Variants in NEGR1 observed in about 807,000 individuals in gnomAD.
The protein encoded by NEGR1 is IgLON family member 4.
A neutral mutation model predicts 40.9 loss-of-function variants in NEGR1; 10 were observed. That is an observed-to-expected ratio of 0.24 (90% CI 0.15 to 0.42). The LOEUF is 0.42. Ranked by LOEUF, NEGR1 falls within the 10% of genes least tolerant of loss-of-function variation. The pLI is 1.00. For synonymous variants in NEGR1, 185 were observed against 166.8 expected (o/e 1.11, Z -0.84); for missense variants, 352 against 438.9 (o/e 0.80, Z 1.77).
chr1:71,774,686 CA>C (rs5775089), intron 3 of NEGR1, among the ~76,000 whole-genome samples: 112,356 of 151,362 alleles, frequency 0.74, 43,702 homozygotes, highest in East Asian at 0.86. Flanking sequence ...GGTATTTTCA[CA>C]AAAAAAAAAT....
intron 1 of NEGR1, among the ~76,000 whole-genome samples, chr1:72,224,957 CTA>C (rs980892530): frequency 2.6e-5 from 4 of 152,002 alleles, no homozygotes; most frequent in Admixed American, 2.6e-4. Context: ...GCTTTACAAA[CTA>C]TGCATTTCAA....
intron 6 of NEGR1, among the ~76,000 whole-genome samples, chr1:71,441,176 A>T (rs190879558): frequency 9.3e-4 from 141 of 152,366 alleles, no homozygotes; most frequent in Non-Finnish European, 1.7e-3. Flanking sequence ...GTGGTGAATC[A>T]CATAAACAAT....
intron 2 of NEGR1, among the ~76,000 whole-genome samples, chr1:71,805,194 C>T (rs772314219): frequency 1.3e-5 from 2 of 152,122 alleles, no homozygotes; most frequent in African/African-American, 2.4e-5. Flanking sequence ...ACAATGCGTG[C>T]CCAAAACTTC....
In NEGR1 at chr1:71,738,640, G is replaced by C. The variant is rs1465635754; in HGVS notation, c.535+37532C>G. Among the ~76,000 whole-genome samples, 5 of 152,164 alleles carry C rather than the reference G, an allele frequency of 3.3e-5. No individual in the cohort carries two copies. The East Asian group carries it at 9.7e-4, about 30-fold the overall frequency. On this transcript the variant is annotated intron_variant, in intron 3 of 6. Coordinates refer to ENST00000357731, the MANE Select transcript of NEGR1 (RefSeq NM_173808.3). ...TAAGAAGGGAATGCTGTCTGGTGTA[G>C]AGTTTTCTGTCAGTAGTGTCCTGCC...
At chr1:72,274,918 G>C in intron 1 of NEGR1, 1 of 1,578,958 alleles carries the variant, frequency 6.3e-7, no homozygotes, top group South Asian at 1.1e-5. Context: ...TCGAAAGTCA[G>C]ATATCTACGT....
At chr1:72,253,672 C>T (rs550888512) in intron 1 of NEGR1, among the ~76,000 whole-genome samples, 69 of 152,174 alleles carry the variant, frequency 4.5e-4, no homozygotes, top group Admixed American at 9.2e-4. Flanking sequence ...ATTTCCAAGG[C>T]AATGCTAATC....
At position 71,541,709 on chromosome 1, in the gene NEGR1, T is replaced by G. The variant is rs546069844; in HGVS notation, c.940+51108A>C. Among the ~76,000 whole-genome samples, 25 of 151,870 alleles carry G rather than the reference T, an allele frequency of 1.6e-4. No individual in the cohort carries two copies. In the East Asian group the frequency reaches 4.9e-3, roughly 30 times the overall value. On this transcript the variant is annotated intron_variant, in intron 6 of 6. Coordinates refer to ENST00000357731, the MANE Select transcript of NEGR1 (RefSeq NM_173808.3). ...TATTACAGTTGTCTCAGCGCTGTAC[T>G]TGAAGCAATGTAGCAGCAATGCAGC...
chr1:71,802,170 TA>T (rs2101749484), intron 2 of NEGR1, among the ~76,000 whole-genome samples: 1 of 151,854 alleles, frequency 6.6e-6, no homozygotes, highest in East Asian at 1.9e-4. Flanking sequence ...CTGCTTAAGA[TA>T]AAATGAGAAA....
intron 2 of NEGR1, among the ~76,000 whole-genome samples, chr1:71,916,762 CA>C (rs1324617851): frequency 2.6e-5 from 4 of 152,100 alleles, no homozygotes; most frequent in East Asian, 3.9e-4. Context: ...GTAAAAAAGA[CA>C]AAACAAAACA....
At chr1:72,254,216 G>T (rs996647481) in intron 1 of NEGR1, among the ~76,000 whole-genome samples, 44 of 152,122 alleles carry the variant, frequency 2.9e-4, no homozygotes, top group Non-Finnish European at 3.8e-4. Context: ...ATCTTTCGTA[G>T]GTGTATTTAT....
chr1:72,145,731 A>G (rs575846179), intron 1 of NEGR1, among the ~76,000 whole-genome samples: 5 of 151,928 alleles, frequency 3.3e-5, no homozygotes, highest in Admixed American at 6.6e-5. Context: ...TTCCACTCCA[A>G]TCTTTATCTC....
At chr1:72,211,265 A>G (rs1653596520) in intron 1 of NEGR1, among the ~76,000 whole-genome samples, 2 of 151,768 alleles carry the variant, frequency 1.3e-5, no homozygotes, top group African/African-American at 4.8e-5. Context: ...AACAACAAAA[A>G]AATCTAGCAC....
At chr1:72,250,897 A>C (rs1440931501) in intron 1 of NEGR1, among the ~76,000 whole-genome samples, 1 of 152,186 alleles carries the variant, frequency 6.6e-6, no homozygotes, top group East Asian at 1.9e-4. Flanking sequence ...CAACCTCCCC[A>C]TTATGGAGAT....
chr1:72,182,813 T>C (rs925707668), intron 1 of NEGR1, among the ~76,000 whole-genome samples: 1 of 132,904 alleles, frequency 7.5e-6, no homozygotes, highest in Admixed American at 8.3e-5. Context: ...TGTATGTGTA[T>C]ATGTGTGTGT....
At chr1:71,800,749 G>A (rs1041086901) in intron 2 of NEGR1, among the ~76,000 whole-genome samples, 1 of 152,016 alleles carries the variant, frequency 6.6e-6, no homozygotes, top group Non-Finnish European at 1.5e-5. Context: ...CTACTCGAGG[G>A]CTTCATTTCA....
At chr1:71,524,001 T>G (rs1001815115) in intron 6 of NEGR1, among the ~76,000 whole-genome samples, 1 of 151,828 alleles carries the variant, frequency 6.6e-6, no homozygotes, top group Non-Finnish European at 1.5e-5. Context: ...ACAATTTTTT[T>G]TCATTTTCTG....
intron 2 of NEGR1, among the ~76,000 whole-genome samples, chr1:71,858,205 TCTC>T (rs371464978): frequency 3.3e-5 from 5 of 152,094 alleles, no homozygotes; most frequent in South Asian, 2.1e-4. Context: ...GAGACATCCT[TCTC>T]CTACACTTAT....
intron 1 of NEGR1, among the ~76,000 whole-genome samples, chr1:71,961,327 G>A (rs1056744743): frequency 6.6e-6 from 1 of 152,046 alleles, no homozygotes; most frequent in Non-Finnish European, 1.5e-5. Context: ...ATTATTTATC[G>A]CTGGCTTGCA....
intron 4 of NEGR1, among the ~76,000 whole-genome samples, chr1:71,697,102 G>A (rs1653501392): frequency 6.6e-6 from 1 of 151,778 alleles, no homozygotes; most frequent in African/African-American, 2.4e-5. Flanking sequence ...CTGCTGATTA[G>A]CTTTAACATT....
Sources: gnomAD v4.1 joint callset for allele counts (sites outside exome capture counted in the v4.1 genomes callset) on GRCh38, gnomAD v4.1.1 for gene constraint, MANE v1.5 for transcripts, NCBI Gene and HGNC (gene_info 2026-07-23, HGNC 2026-07-21) for gene names.